The following JAKMIP2 variants were observed in gnomAD, a reference collection of about 807,000 sequenced individuals.
The protein encoded by JAKMIP2 is janus kinase and microtubule-interacting protein 2.
A neutral mutation model predicts 115.0 loss-of-function variants in JAKMIP2; 25 were observed. The observed-to-expected ratio is 0.22, with a 90% CI of 0.16 to 0.30. The LOEUF is 0.30. Ranked by LOEUF, JAKMIP2 falls within the 10% of genes least tolerant of loss-of-function variation. JAKMIP2 has a pLI of 1.00. For missense variants in JAKMIP2, 642 were observed against 957.6 expected (o/e 0.67, Z 4.35); for synonymous variants, 334 against 343.6 (o/e 0.97, Z 0.31).
At chr5:147,685,595 AG>A (rs1465741753) in intron 1 of JAKMIP2, among the ~76,000 whole-genome samples, 5 of 152,214 alleles carry the variant, frequency 3.3e-5, no homozygotes, top group African/African-American at 9.7e-5. Context: ...TTGTTTTTAC[AG>A]AAATCATATT....
chr5:147,591,773 T>C (rs1466698698), intron 21 of JAKMIP2, 87 bp from the exon 22 acceptor site: 3 of 789,370 alleles, frequency 3.8e-6, no homozygotes, highest in South Asian at 1.6e-5. Flanking sequence ...AAGACACAAA[T>C]TTTTTATTCT....
intron 3 of JAKMIP2, among the ~76,000 whole-genome samples, chr5:147,656,381 G>T (rs990232391): frequency 6.6e-6 from 1 of 152,188 alleles, no homozygotes; most frequent in Non-Finnish European, 1.5e-5. Context: ...TATATTGGGT[G>T]CATATATTTT....
At position 147,628,805 on chromosome 5, in the gene JAKMIP2, A is replaced by G. The variant is rs750872323; in HGVS notation, c.1941T>C (p.Asn647=). 1.2e-6 allele frequency: 2 copies of G among 1,613,028 alleles called. No individual in the cohort carries two copies. The highest frequency in any genetic ancestry group is 1.7e-6 in the Non-Finnish European group (2 of 1,179,342). ...CCTGAATTATGGCCACTTGTTCTTCATTTCTTAAATTCTGTAAAAAATAAG... is the reference window on the plus strand; with the variant it reads ...CCTGAATTATGGCCACTTGTTCTTCGTTTCTTAAATTCTGTAAAAAATAAG... ...DILGDNGNLR[N]EEQVAIIQAS... The change falls in exon 16 of 22, where the codon AAT becomes AAC. Residue 647 remains asparagine (N), a synonymous_variant. Transcript: ENST00000616793.
At chr5:147,708,489 G>T (rs987935701) in intron 1 of JAKMIP2, among the ~76,000 whole-genome samples, 1 of 152,116 alleles carries the variant, frequency 6.6e-6, no homozygotes, top group Non-Finnish European at 1.5e-5. Flanking sequence ...GGAGAAACAG[G>T]TTGGAATTAT....
intron 17 of JAKMIP2, among the ~76,000 whole-genome samples, chr5:147,621,874 GT>G (rs570772302): frequency 8.7e-5 from 13 of 148,874 alleles, no homozygotes; most frequent in South Asian, 2.1e-4. Context: ...ATAAATTTCT[GT>G]TTTTTTTTTG....
rs1580922415 is a variant in JAKMIP2 at position 147,782,519 on chromosome 5, G to A, written c.-212C>T. On this transcript the variant is annotated 5_prime_UTR_variant, in exon 1 of 22. Coordinates refer to ENST00000616793, the MANE Select transcript of JAKMIP2 (RefSeq NM_001270941.2). Reference sequence around the variant, plus strand: ...GATGCAAACTGAATCCATTTTCCTTGTGACCGAGTCGGATGCAGCCTCCGA... The same window carrying A: ...GATGCAAACTGAATCCATTTTCCTTATGACCGAGTCGGATGCAGCCTCCGA... 3 of 1,527,048 alleles carry A rather than the reference G, an allele frequency of 2.0e-6. No individual in the cohort carries two copies. The East Asian group carries it at 7.3e-5, about 37-fold the overall frequency. 94.6% of individuals were successfully genotyped at this position (1,527,048 alleles called of 1,614,324 possible). A position where few individuals can be genotyped will look rare whatever the true frequency, so the allele number is the denominator to read the frequency against.
chr5:147,721,573 C>G (rs963274256), intron 1 of JAKMIP2, among the ~76,000 whole-genome samples: 1 of 152,284 alleles, frequency 6.6e-6, no homozygotes, highest in South Asian at 2.1e-4. Context: ...TTAAGCCCGT[C>G]GGAAAAGCGC....
intron 1 of JAKMIP2, among the ~76,000 whole-genome samples, chr5:147,764,977 A>G (rs1755094918): frequency 1.8e-5 from 2 of 112,112 alleles, no homozygotes; most frequent in South Asian, 2.9e-4. Context: ...GGGGAGAGAG[A>G]GAGAGAGAGA....
rs759505007 is a variant in JAKMIP2, at chr5:147,661,455, G to C, written c.130-10C>G. The C allele has an allele frequency of 6.2e-7, 1 of 1,603,132 alleles. No homozygotes were observed. Among genetic ancestry groups the C allele is most frequent in the Non-Finnish European group, 8.5e-7 (1 of 1,175,030 alleles). On this transcript the variant is annotated splice_polypyrimidine_tract_variant and intron_variant, in intron 2 of 21. Transcript: ENST00000616793. ...TTTCAAGCTTTGATACCTAAAAACA[G>C]AGAGGCGAAATGATGAAGAGAAATG... is the stretch of plus-strand genomic sequence containing the variant.
chr5:147,674,607 C>A (rs1048191218), intron 1 of JAKMIP2, among the ~76,000 whole-genome samples: 2 of 152,180 alleles, frequency 1.3e-5, no homozygotes, highest in Non-Finnish European at 2.9e-5. Flanking sequence ...AGCATTTGAA[C>A]ATATGTGTAA....
At chr5:147,642,478 C>T (rs752877435) in intron 7 of JAKMIP2, among the ~76,000 whole-genome samples, 7 of 152,144 alleles carry the variant, frequency 4.6e-5, no homozygotes, top group Admixed American at 1.3e-4. Flanking sequence ...TTGAAAAGTC[C>T]GATGAGTGTG....
rs1050496012 is a variant in JAKMIP2, at chr5:147,661,981, A to C, written c.130-536T>G. 12 of 152,412 alleles carry C rather than the reference A, an allele frequency of 7.9e-5. 1 individual carries two copies. Among genetic ancestry groups the C allele is most frequent in the African/African-American group, 2.4e-4 (10 of 41,404 alleles). 9.4% of individuals were successfully genotyped at this position (152,412 alleles called of 1,614,324 possible). A position where few individuals can be genotyped will look rare whatever the true frequency, so the allele number is the denominator to read the frequency against. On this transcript the variant is annotated intron_variant, in intron 2 of 21. Coordinates refer to ENST00000616793, the MANE Select transcript of JAKMIP2 (RefSeq NM_001270941.2). ...GAATAGCTCACAGTTTGATATTGTG[A>C]TAAGGCTAATAAATTAGTGCCTCAA...
At chr5:147,648,246 ATATC>A in intron 5 of JAKMIP2, 126 bp downstream of exon 5, 1 of 549,478 alleles carries the variant, frequency 1.8e-6, no homozygotes, top group Non-Finnish European at 3.2e-6. Context: ...CACTTTGTGA[ATATC>A]TATTGAATGG....
intron 16 of JAKMIP2, 47 bp downstream of exon 16, chr5:147,628,704 T>C (rs750500875): frequency 1.5e-5 from 22 of 1,455,318 alleles, no homozygotes; most frequent in Non-Finnish European, 2.1e-5. Flanking sequence ...TCGTTCAGTA[T>C]TAAGCCAGAC....
chr5:147,751,260 T>G (rs1041518060), intron 1 of JAKMIP2, among the ~76,000 whole-genome samples: 1 of 150,590 alleles, frequency 6.6e-6, no homozygotes, highest in Non-Finnish European at 1.5e-5. Flanking sequence ...GTTGTTGTTT[T>G]TTTTTTTTTT....
At chr5:147,702,640 GAAAGAAAGAAAGAAAGAAAGAA>G (rs1395990844) in intron 1 of JAKMIP2, among the ~76,000 whole-genome samples, 2 of 123,176 alleles carry the variant, frequency 1.6e-5, no homozygotes, top group East Asian at 5.4e-4. Flanking sequence ...AAGAAAGAAA[GAAAGAAAGAAAGAAAGAAAGAA>G]AGAGAGAGAA....
At chr5:147,745,666 C>T (rs1251699255) in intron 1 of JAKMIP2, among the ~76,000 whole-genome samples, 1 of 152,100 alleles carries the variant, frequency 6.6e-6, no homozygotes, top group South Asian at 2.1e-4. Flanking sequence ...TCATCTGCTC[C>T]GTACTTTCTT....
intron 1 of JAKMIP2, among the ~76,000 whole-genome samples, chr5:147,719,816 T>C (rs1349312150): frequency 6.6e-6 from 1 of 152,016 alleles, no homozygotes; most frequent in Non-Finnish European, 1.5e-5. Context: ...TGCCAGTCTG[T>C]GTCTTTTAAT....
chr5:147,612,454 A>C (rs1756381415), intron 19 of JAKMIP2, 83 bp from the exon 20 acceptor site: 1 of 744,834 alleles, frequency 1.3e-6, no homozygotes, highest in Non-Finnish European at 2.2e-6. Context: ...AAAACACGAA[A>C]CTTCCTATAC....
Sources: allele counts gnomAD v4.1 joint callset (sites outside exome capture counted in the v4.1 genomes callset), GRCh38; gene constraint gnomAD v4.1.1; transcripts MANE v1.5; gene names NCBI Gene and HGNC (gene_info 2026-07-23, HGNC 2026-07-21).